The following MAT2B variants were observed in gnomAD, a reference collection of about 807,000 sequenced individuals.
MAT2B encodes methionine adenosyltransferase 2 subunit beta.
MAT2B carries 16 observed loss-of-function variants against 36.1 expected under a neutral mutation model. That is an observed-to-expected ratio of 0.44 (90% CI 0.30 to 0.67). The LOEUF is 0.67. Ranked by LOEUF, MAT2B falls within the 30% of genes least tolerant of loss-of-function variation. The pLI, the probability that MAT2B is intolerant of heterozygous loss-of-function variation, is 0.09. For missense variants in MAT2B, 332 were observed against 398.2 expected (o/e 0.83, Z 1.42); for synonymous variants, 148 against 136.9 (o/e 1.08, Z -0.57).
At chr5:163,512,239 G>C in intron 2 of MAT2B, 43 bp downstream of exon 2, 2 of 1,471,262 alleles carry the variant, frequency 1.4e-6, no homozygotes, top group Non-Finnish European at 1.9e-6. Context: ...ACAATATTAA[G>C]AGTTGTCTGG....
chr5:163,515,940 G>T (rs189903760), intron 4 of MAT2B, among the ~76,000 whole-genome samples: 147 of 151,950 alleles, frequency 9.7e-4, no homozygotes, highest in Non-Finnish European at 1.7e-3. Context: ...TCACTGTGTT[G>T]TCCACGCTGG....
rs1760167165 is a variant in MAT2B at position 163,518,371 on chromosome 5, G to A, written c.*8G>A. 6.3e-7 allele frequency: 1 copy of A among 1,580,260 alleles called. No homozygotes were observed. The highest frequency in any genetic ancestry group is 8.6e-7 in the Non-Finnish European group (1 of 1,168,550). Reference sequence around the variant, plus strand: ...CAAACGGTCTTTCATTAGTTTATTTGTGTTGGGTTCTTTTTTTTTTTTAAA... The same window carrying A: ...CAAACGGTCTTTCATTAGTTTATTTATGTTGGGTTCTTTTTTTTTTTTAAA... On this transcript the variant is annotated 3_prime_UTR_variant, in exon 7 of 7. Transcript: ENST00000321757.
At position 163,518,967 on chromosome 5, in the gene MAT2B, A is replaced by T. The variant is rs1303701359; in HGVS notation, c.*604A>T. 6.6e-6 allele frequency: 1 copy of T among 152,256 alleles called. No individual in the cohort carries two copies. Among genetic ancestry groups the T allele is most frequent in the African/African-American group, 2.4e-5 (1 of 41,308 alleles). The allele number at this position is 152,256 out of a possible 1,614,324, so 9.4% of individuals were successfully genotyped here. ...CACTTGAAAGAGCGTGTGTACATGT[A>T]TTTTTTTTCTAGGCAAACATTGAAT... On this transcript the variant is annotated 3_prime_UTR_variant, in exon 7 of 7. Transcript: ENST00000321757.
chr5:163,512,604 T>A, intron 2 of MAT2B: 1 of 406,066 alleles, frequency 2.5e-6, no homozygotes, highest in Middle Eastern at 6.0e-4. Context: ...ATTTAAATCA[T>A]GTTAATTGCA....
chr5:163,505,537 G>A, upstream of MAT2B: 2 of 1,242,854 alleles, frequency 1.6e-6, no homozygotes, highest in Non-Finnish European at 2.0e-6. Context: ...CAATCAACGG[G>A]CGCGGCTATG....
chr5:163,515,895 C>T (rs1356946135), intron 4 of MAT2B, among the ~76,000 whole-genome samples: 2 of 149,152 alleles, frequency 1.3e-5, no homozygotes, highest in East Asian at 2.0e-4. Context: ...CCACCACGAA[C>T]GGCTAATTTT....
intron 4 of MAT2B, among the ~76,000 whole-genome samples, chr5:163,516,248 C>T (rs1760131123): frequency 6.6e-6 from 1 of 152,046 alleles, no homozygotes; most frequent in African/African-American, 2.4e-5. Flanking sequence ...CGGAGTTTTG[C>T]TATGATGCCC....
chr5:163,516,955 G>A (rs1224650685), intron 5 of MAT2B: 2 of 579,406 alleles, frequency 3.5e-6, no homozygotes, highest in African/African-American at 3.7e-5. Flanking sequence ...ATTGCAAAGT[G>A]TTAGGAAACT....
rs565480223 is a variant in MAT2B at position 163,513,948 on chromosome 5, C to T, written c.480C>T (p.Gly160=). 1.2e-6 allele frequency: 2 copies of T among 1,613,336 alleles called. No individual in the cohort carries two copies. Among genetic ancestry groups the T allele is most frequent in the South Asian group, 2.2e-5 (2 of 91,038 alleles). ...TACCAGCTCCCCTAAATTTGTATGG[C>T]AAAACAAAATTAGATGGAGAAAAGG... ...EDIPAPLNLY[G]KTKLDGEKAV... is the part of the protein sequence containing the mutation. The change falls in exon 4 of 7, where the codon GGC becomes GGT. Residue 160 remains glycine, a synonymous_variant. Transcript: ENST00000321757.
At chr5:163,515,596 A>G (rs779225469) in intron 4 of MAT2B, among the ~76,000 whole-genome samples, 3 of 152,096 alleles carry the variant, frequency 2.0e-5, no homozygotes, top group Non-Finnish European at 4.4e-5. Flanking sequence ...TATGCCAAAA[A>G]TGTCCTTTAT....
intron 5 of MAT2B, 164 bp downstream of exon 5, chr5:163,516,875 A>G (rs1053134246): frequency 1.9e-5 from 12 of 629,488 alleles, no homozygotes; most frequent in Non-Finnish European, 3.4e-5. Flanking sequence ...TGTATTCATG[A>G]AGAATAAAAA....
At chr5:163,509,160 AT>A (rs1268142333) in intron 1 of MAT2B, among the ~76,000 whole-genome samples, 2 of 151,828 alleles carry the variant, frequency 1.3e-5, no homozygotes, top group African/African-American at 4.9e-5. Flanking sequence ...GATTCATAAG[AT>A]TTTTTTTAAA....
chr5:163,516,890 A>G, intron 5 of MAT2B, 179 bp downstream of exon 5: 1 of 617,078 alleles, frequency 1.6e-6, no homozygotes, highest in Middle Eastern at 3.3e-4. Flanking sequence ...TAAAAATATT[A>G]TGCTCTTCTG....
chr5:163,509,720 C>T (rs1760008967), intron 1 of MAT2B, among the ~76,000 whole-genome samples: 2 of 152,154 alleles, frequency 1.3e-5, no homozygotes, highest in African/African-American at 4.8e-5. Flanking sequence ...CTGACTGTAT[C>T]TGTACTAGAC....
rs777878390 is a variant in MAT2B at position 163,513,586 on chromosome 5, G to C, written c.290G>C (p.Arg97Thr). 3.7e-5 allele frequency: 59 copies of C among 1,612,938 alleles called. No individual in the cohort carries two copies. The highest frequency in any genetic ancestry group is 4.7e-5 in the Non-Finnish European group (56 of 1,179,106). Residue 97 changes from arginine (R) to threonine (T), a missense_variant, in exon 3 of 7, where the codon AGA becomes ACA. Coordinates refer to ENST00000321757, the MANE Select transcript of MAT2B (RefSeq NM_013283.5). ...PHVIVHCAAERRPDVVENQPD... is the reference protein window; with the variant it reads ...PHVIVHCAAETRPDVVENQPD... The stretch of plus-strand genomic sequence containing the variant: ...GTTATAGTACATTGTGCAGCAGAGA[G>C]AAGACCAGATGTTGTAGAAAATCAG...
upstream of MAT2B, chr5:163,505,479 C>A (rs1759911871): frequency 1.6e-6 from 2 of 1,217,784 alleles, no homozygotes; most frequent in South Asian, 4.3e-5. Flanking sequence ...GGGCTGGGGG[C>A]AGACCGCGCG....
rs563313743 is a variant in MAT2B at position 163,507,899 on chromosome 5, G to C, written c.63+2150G>C. 5.9e-5 allele frequency among the ~76,000 whole-genome samples: 9 copies of C among 152,312 alleles called. No individual in the cohort carries two copies. The East Asian group carries it at 1.7e-3, about 29-fold the overall frequency. ...GAAACTATTCGGACTCCTCGTGGTA[G>C]GGATAATATGGAAAATGTTAGAAAT... On this transcript the variant is annotated intron_variant, in intron 1 of 6. Coordinates refer to ENST00000321757, the MANE Select transcript of MAT2B (RefSeq NM_013283.5).
At chr5:163,513,359 C>A in intron 2 of MAT2B, 196 bp from the exon 3 acceptor site, 1 of 491,246 alleles carries the variant, frequency 2.0e-6, no homozygotes, top group Non-Finnish European at 3.7e-6. Flanking sequence ...TTTTCAGTGC[C>A]TATAAATATT....
chr5:163,515,030 A>G (rs1380014070), intron 4 of MAT2B, among the ~76,000 whole-genome samples: 1 of 152,196 alleles, frequency 6.6e-6, no homozygotes, highest in Non-Finnish European at 1.5e-5. Context: ...AAGAGCAGAA[A>G]GGGATGTGCT....
Sources: gnomAD v4.1 joint callset for allele counts (sites outside exome capture counted in the v4.1 genomes callset) on GRCh38, gnomAD v4.1.1 for gene constraint, MANE v1.5 for transcripts, NCBI Gene and HGNC (gene_info 2026-07-23, HGNC 2026-07-21) for gene names.